ITPK1: variants seen among roughly 807,000 people sequenced by gnomAD.
ITPK1 encodes inositol 1,3,4-trisphosphate 5/6-kinase.
In ITPK1, 21 loss-of-function variants were observed where a neutral mutation model predicts 45.3. That is an observed-to-expected ratio of 0.46 (90% CI 0.33 to 0.67). The LOEUF (loss-of-function observed/expected upper bound fraction) is 0.67, where lower values mean the gene tolerates loss of function less well. ITPK1 is among the 30% of genes least tolerant of loss of function. ITPK1 has a pLI of 0.02. For missense variants in ITPK1, 474 were observed against 573.5 expected, an observed-to-expected ratio of 0.83 and a Z score of 1.77; for synonymous variants, 258 against 253.6, an observed-to-expected ratio of 1.02 and a Z score of -0.16.
intron 5 of ITPK1, among the ~76,000 whole-genome samples, chr14:92,980,839 C>G (rs1886188562): frequency 6.6e-6 from 1 of 152,180 alleles, no homozygotes; most frequent in South Asian, 2.1e-4. Context: ...TCCGAAGTAG[C>G]TGGGACTACA....
At chr14:93,057,914 G>A (rs1475728640) in intron 3 of ITPK1, among the ~76,000 whole-genome samples, 2 of 152,216 alleles carry the variant, frequency 1.3e-5, no homozygotes, top group Non-Finnish European at 2.9e-5. Context: ...TGTCTCTCAA[G>A]GGGCTACCTA....
At chr14:93,082,697 T>C (rs2139993535) in intron 2 of ITPK1, among the ~76,000 whole-genome samples, 1 of 152,334 alleles carries the variant, frequency 6.6e-6, no homozygotes, top group South Asian at 2.1e-4. Flanking sequence ...TCACCTCACT[T>C]AGCAGCAGCA....
rs1161298032 is a variant in ITPK1 at position 93,078,729 on chromosome 14, G to A, written c.96-2110C>T. Among the ~76,000 whole-genome samples, 8 of 152,086 alleles carry A rather than the reference G, an allele frequency of 5.3e-5. No individual in the cohort carries two copies. The East Asian group carries it at 9.6e-4, about 18-fold the overall frequency. ...CAACCACCCGCTCACAACCTGCACC[G>A]TTTCTGAGCACCTGTGGACACCTCA... On this transcript the variant is annotated intron_variant, in intron 2 of 10. Transcript: ENST00000267615.
chr14:93,086,734 A>C lies in ITPK1; in HGVS notation c.96-10115T>G, dbSNP rs904044252. Among the ~76,000 whole-genome samples the C allele has an allele frequency of 3.6e-4, 55 of 152,370 alleles. 1 individual carries two copies. The highest frequency in any genetic ancestry group is 6.8e-3 in the Middle Eastern group (2 of 294). Reference sequence around the variant, plus strand: ...GGAGGGGAGGGAGAGGGAGGCTGCCAGGGCACGCTAGAGAAGGCCTGCTAA... The same window carrying C: ...GGAGGGGAGGGAGAGGGAGGCTGCCCGGGCACGCTAGAGAAGGCCTGCTAA... On this transcript the variant is annotated intron_variant, in intron 2 of 10. Coordinates refer to ENST00000267615, the MANE Select transcript of ITPK1 (RefSeq NM_014216.6).
At chr14:93,048,420 G>A (rs527620252) in intron 3 of ITPK1, among the ~76,000 whole-genome samples, 3 of 152,290 alleles carry the variant, frequency 2.0e-5, no homozygotes, top group South Asian at 2.1e-4. Context: ...TCATAAGGAC[G>A]GAACGTTAGG....
intron 3 of ITPK1, among the ~76,000 whole-genome samples, chr14:93,018,984 TCA>T (rs962347488): frequency 1.3e-5 from 2 of 152,152 alleles, no homozygotes; most frequent in Non-Finnish European, 2.9e-5. Flanking sequence ...ATGGCTCTCT[TCA>T]CAGATTCCAA....
chr14:92,998,622 A>G (rs1291218695), intron 4 of ITPK1, among the ~76,000 whole-genome samples: 1 of 152,198 alleles, frequency 6.6e-6, no homozygotes, highest in Non-Finnish European at 1.5e-5. Context: ...GGCACCTGGG[A>G]GCACGTTGCG....
intron 3 of ITPK1, among the ~76,000 whole-genome samples, chr14:93,024,617 A>G (rs1402877957): frequency 1.3e-5 from 2 of 152,062 alleles, no homozygotes; most frequent in African/African-American, 4.8e-5. Context: ...TCTGATAATC[A>G]CCTCCACCAG....
At chr14:93,112,463 G>A (rs1289807302) in intron 2 of ITPK1, among the ~76,000 whole-genome samples, 1 of 130,254 alleles carries the variant, frequency 7.7e-6, no homozygotes, top group Non-Finnish European at 1.6e-5. Context: ...TTTTTGAGAT[G>A]GAGTCTCGCT....
chr14:92,942,094 C>T (rs1265012451), intron 10 of ITPK1, among the ~76,000 whole-genome samples, 190 bp from the exon 11 acceptor site: 2 of 152,124 alleles, frequency 1.3e-5, no homozygotes, highest in Non-Finnish European at 1.5e-5. Context: ...GCTTGGACGC[C>T]CAACCAGGTG....
At chr14:93,070,848 T>G (rs1890966260) in intron 3 of ITPK1, 1 of 153,838 alleles carries the variant, frequency 6.5e-6, no homozygotes. Context: ...GCGTCCCATC[T>G]GCACGGCCTG....
chr14:92,974,639 C>T (rs926409405), intron 5 of ITPK1, among the ~76,000 whole-genome samples: 7 of 152,230 alleles, frequency 4.6e-5, no homozygotes, highest in African/African-American at 1.4e-4. Flanking sequence ...TCATGGGCAT[C>T]GGGCGTAAGG....
At chr14:93,023,604 G>A (rs1217868596) in intron 3 of ITPK1, among the ~76,000 whole-genome samples, 1 of 152,236 alleles carries the variant, frequency 6.6e-6, no homozygotes, top group Non-Finnish European at 1.5e-5. Context: ...GAAGGGAAGG[G>A]AAAGGGAAGG....
chr14:92,939,619 G>T lies in ITPK1; in HGVS notation c.*1942C>A. 1.1e-6 allele frequency: 1 copy of T among 929,056 alleles called. No individual in the cohort carries two copies. The highest frequency in any genetic ancestry group is 1.3e-6 in the Non-Finnish European group (1 of 778,972). 57.6% of individuals were successfully genotyped at this position (929,056 alleles called of 1,614,324 possible). A position where few individuals can be genotyped will look rare whatever the true frequency, so the allele number is the denominator to read the frequency against. ...CCCCCGCCCCACCACGGAGGCCTATGGACGCCACCACGACACCACATGGCA... is the reference window on the plus strand; with the variant it reads ...CCCCCGCCCCACCACGGAGGCCTATTGACGCCACCACGACACCACATGGCA... On this transcript the variant is annotated 3_prime_UTR_variant, in exon 11 of 11. Coordinates refer to ENST00000267615, the MANE Select transcript of ITPK1 (RefSeq NM_014216.6).
intron 4 of ITPK1, among the ~76,000 whole-genome samples, chr14:93,015,746 C>T (rs865910592): frequency 3.3e-5 from 5 of 152,220 alleles, no homozygotes; most frequent in African/African-American, 9.6e-5. Flanking sequence ...GGCCAAGGAA[C>T]GGGGTGAGAG....
intron 3 of ITPK1, among the ~76,000 whole-genome samples, chr14:93,031,322 G>T (rs559698425): frequency 1.3e-5 from 2 of 152,160 alleles, no homozygotes; most frequent in Non-Finnish European, 2.9e-5. Flanking sequence ...TCCTCAGAGT[G>T]GGGGAAGCTG....
At chr14:92,992,067 C>T (rs1253409639) in intron 5 of ITPK1, among the ~76,000 whole-genome samples, 1 of 152,210 alleles carries the variant, frequency 6.6e-6, no homozygotes, top group Non-Finnish European at 1.5e-5. Context: ...ACCCACATGC[C>T]AGAGCCTGTG....
intron 2 of ITPK1, among the ~76,000 whole-genome samples, chr14:93,083,335 G>A (rs929234703): frequency 1.2e-4 from 19 of 152,082 alleles, no homozygotes; most frequent in East Asian, 3.9e-4. Flanking sequence ...TGAGCCGCTC[G>A]GGGTCTCAGC....
rs570551187 is a variant in ITPK1 at position 92,965,924 on chromosome 14, A to G, written c.365-3075T>C. 2.0e-5 allele frequency among the ~76,000 whole-genome samples: 3 copies of G among 152,344 alleles called. No individual in the cohort carries two copies. In the East Asian group the frequency reaches 5.8e-4, roughly 29 times the overall value. Reference sequence around the variant, plus strand: ...AGGCCGAGGCAGGAGAATCGCTTGAATGCAGGAGGTGGAGGTTGACGTGAG... The same window carrying G: ...AGGCCGAGGCAGGAGAATCGCTTGAGTGCAGGAGGTGGAGGTTGACGTGAG... On this transcript the variant is annotated intron_variant, in intron 5 of 10. Coordinates refer to ENST00000267615, the MANE Select transcript of ITPK1 (RefSeq NM_014216.6).
Sources: allele counts gnomAD v4.1 joint callset (sites outside exome capture counted in the v4.1 genomes callset), GRCh38; gene constraint gnomAD v4.1.1; transcripts MANE v1.5; gene names NCBI Gene and HGNC (gene_info 2026-07-23, HGNC 2026-07-21).